The following HERC1 variants were observed in gnomAD, a reference collection of about 807,000 sequenced individuals.
HERC1 encodes probable E3 ubiquitin-protein ligase HERC1.
A neutral mutation model predicts 554.3 loss-of-function variants in HERC1; 160 were observed. The observed-to-expected ratio is 0.29, with a 90% CI of 0.25 to 0.33. The LOEUF is 0.33. Ranked by LOEUF, HERC1 falls within the 10% of genes least tolerant of loss-of-function variation. The probability of loss-of-function intolerance (pLI) is 1.00; values close to 1 mark genes in which losing one functional copy is unlikely to be tolerated. For missense variants in HERC1, 4,919 were observed against 5,918.5 expected, an observed-to-expected ratio of 0.83 and a Z score of 5.54; for synonymous variants, 2,175 against 2,131.7, an observed-to-expected ratio of 1.02 and a Z score of -0.56.
In HERC1 at chr15:63,672,671, T is replaced by C. The variant is rs768509067; in HGVS notation, c.7870A>G (p.Ser2624Gly). ...KQEIDQQAEE[S>G]DPAQQAQTPV... is the part of the protein sequence containing the mutation. ...GTCTGTGCCTGCTGGGCAGGGTCACTTTCTTCAGCTTGTTGATCAATCTCT... is the reference window on the plus strand; with the variant it reads ...GTCTGTGCCTGCTGGGCAGGGTCACCTTCTTCAGCTTGTTGATCAATCTCT... The change falls in exon 39 of 78, where the codon AGT (serine) becomes GGT (glycine). Residue 2624 changes from serine to glycine, a missense_variant. By Grantham distance (56) the Ser-to-Gly change is moderately conservative. This residue lies in a region of HERC1 where 1,963 missense variants were observed against 2,228.6 expected (regional missense o/e 0.88). Coordinates refer to ENST00000443617, the MANE Select transcript of HERC1 (RefSeq NM_003922.4). 2.0e-5 allele frequency: 32 copies of C among 1,606,960 alleles called. No homozygotes were observed. The highest frequency in any genetic ancestry group is 1.1e-5 in the South Asian group (1 of 89,712).
At chr15:63,693,894 T>C (rs1462265000) in intron 30 of HERC1, 70 bp downstream of exon 30, 1 of 1,445,252 alleles carries the variant, frequency 6.9e-7, no homozygotes, top group Admixed American at 2.5e-5. Context: ...CTCTACATCC[T>C]AATCATATGC....
Position 63,641,483 on chromosome 15 carries a change from T to C in HERC1, c.11594A>G (p.Tyr3865Cys). 5 of 1,612,314 alleles carry C rather than the reference T, an allele frequency of 3.1e-6. No homozygotes were observed. The highest frequency in any genetic ancestry group is 3.4e-6 in the Non-Finnish European group (4 of 1,178,930). The change falls in exon 60 of 78, where the codon TAT becomes TGT. Residue 3865 changes from tyrosine to cysteine, a missense_variant. By Grantham distance (194) the Tyr-to-Cys change is radical. Transcript: ENST00000443617. ...GTAATGAGTTACCTTTTCATAGGCATACTGCTCCTGAAGCATCATGGGGAG... is the reference window on the plus strand; with the variant it reads ...GTAATGAGTTACCTTTTCATAGGCACACTGCTCCTGAAGCATCATGGGGAG... The part of the protein sequence containing the change: ...ERLPMMLQEQ[Y>C]AYEKPHVVCG...
chr15:63,692,450 C>G lies in HERC1; in HGVS notation c.5791G>C (p.Glu1931Gln). 6.2e-7 allele frequency: 1 copy of G among 1,612,004 alleles called. No individual in the cohort carries two copies. Among genetic ancestry groups the G allele is most frequent in the Non-Finnish European group, 8.5e-7 (1 of 1,179,370 alleles). ...QSKMASPKWT[E>Q]VLLNIASQKC... is the part of the protein sequence containing the mutation. Reference sequence around the variant, plus strand: ...TGAGATGCTATATTTAGAAGCACTTCGGTCCACTTTGGGGAAGCCATTTTT... The same window carrying G: ...TGAGATGCTATATTTAGAAGCACTTGGGTCCACTTTGGGGAAGCCATTTTT... The change falls in exon 31 of 78, where the codon GAA becomes CAA. Residue 1931 changes from glutamate to glutamine, a missense_variant. Glu to Gln is a conservative substitution (Grantham distance 29). This residue lies in a region of HERC1 where 1,121 missense variants were observed against 1,244.0 expected (regional missense o/e 0.90). Coordinates refer to ENST00000443617, the MANE Select transcript of HERC1 (RefSeq NM_003922.4). This position sits in a 1 kb window ranked among gnomAD's most constrained non-coding sequence, Gnocchi z 4.7.
At chr15:63,673,409 A>C (rs755170538) in intron 38 of HERC1, among the ~76,000 whole-genome samples, 4 of 152,178 alleles carry the variant, frequency 2.6e-5, no homozygotes, top group Non-Finnish European at 4.4e-5. Context: ...AGACAAGAAG[A>C]AAAGGAATAA....
Position 63,608,991 on chromosome 15 carries a change from A to G in HERC1, c.*90T>C, listed in dbSNP as rs1308763249. The G allele has an allele frequency of 4.5e-5, 52 of 1,148,936 alleles. No individual in the cohort carries two copies. Among genetic ancestry groups the G allele is most frequent in the Non-Finnish European group, 6.4e-5 (52 of 818,806 alleles). The allele number at this position is 1,148,936 out of a possible 1,614,324, so 71.2% of individuals were successfully genotyped here. ...TAATGTTGGTTTATGTTCTTATAAC[A>G]TCTATGTAGTTACCATAAAAGTATA... On this transcript the variant is annotated 3_prime_UTR_variant, in exon 78 of 78. Coordinates refer to ENST00000443617, the MANE Select transcript of HERC1 (RefSeq NM_003922.4).
At position 63,652,639 on chromosome 15, in the gene HERC1, T is replaced by C. The variant is rs897541264; in HGVS notation, c.10291-98A>G. ...AATTTTTAAAAATCTACCATGAAATTAAAAGAAAAGCATCCATTCCTTTCT... is the reference window on the plus strand; with the variant it reads ...AATTTTTAAAAATCTACCATGAAATCAAAAGAAAAGCATCCATTCCTTTCT... On this transcript the variant is annotated intron_variant, in intron 51 of 77. Coordinates refer to ENST00000443617, the MANE Select transcript of HERC1 (RefSeq NM_003922.4). 9.8e-6 allele frequency: 10 copies of C among 1,015,472 alleles called. No individual in the cohort carries two copies. The African/African-American group carries it at 1.5e-4, about 15-fold the overall frequency. 62.9% of individuals were successfully genotyped at this position (1,015,472 alleles called of 1,614,324 possible).
chr15:63,693,018 T>C (rs1304183670), intron 30 of HERC1, among the ~76,000 whole-genome samples: 3 of 151,870 alleles, frequency 2.0e-5, no homozygotes, highest in Non-Finnish European at 2.9e-5. Flanking sequence ...CCGTCTCTAA[T>C]AAAAACACAA....
chr15:63,729,680 T>C (rs1314035218), intron 14 of HERC1, 31 bp from the exon 15 acceptor site: 1 of 1,607,308 alleles, frequency 6.2e-7, no homozygotes, highest in Non-Finnish European at 8.5e-7. Context: ...AGTTTATATT[T>C]GAAGTGCTTG....
intron 2 of HERC1, among the ~76,000 whole-genome samples, chr15:63,773,250 T>A (rs1266601387): frequency 6.6e-6 from 1 of 151,934 alleles, no homozygotes; most frequent in Non-Finnish European, 1.5e-5. Context: ...CCAGACCAGC[T>A]ATGGTCAACA....
chr15:63,812,116 C>T (rs1198258690), intron 1 of HERC1, among the ~76,000 whole-genome samples: 1 of 152,164 alleles, frequency 6.6e-6, no homozygotes, highest in Non-Finnish European at 1.5e-5. Context: ...TAAACATAGA[C>T]ACTAAGTTGC....
chr15:63,790,317 G>T (rs2076601601), intron 1 of HERC1, among the ~76,000 whole-genome samples: 1 of 152,186 alleles, frequency 6.6e-6, no homozygotes, highest in African/African-American at 2.4e-5. Flanking sequence ...GGTGGCTCAT[G>T]CCTGTAATCC....
chr15:63,760,751 AG>A (rs1326091041), intron 3 of HERC1, among the ~76,000 whole-genome samples: 2 of 152,104 alleles, frequency 1.3e-5, no homozygotes, highest in Non-Finnish European at 2.9e-5. Context: ...AACCCAATCA[AG>A]GGAATAAAAA....
chr15:63,793,279 C>T (rs924093220), intron 1 of HERC1, among the ~76,000 whole-genome samples: 2 of 152,138 alleles, frequency 1.3e-5, no homozygotes, highest in Admixed American at 6.5e-5. Flanking sequence ...GTAAAGACCA[C>T]GCTGATAAAA....
Position 63,692,675 on chromosome 15 carries a change from T to C in HERC1, c.5675-109A>G, listed in dbSNP as rs530987962. On this transcript the variant is annotated intron_variant, in intron 30 of 77. Transcript: ENST00000443617. This position sits in a 1 kb window ranked among gnomAD's most constrained non-coding sequence, Gnocchi z 4.7. The stretch of plus-strand genomic sequence containing the variant: ...GTAAGCACAAATCTAATGCAAAATC[T>C]TAGGCTGTCAGCTACTGAATTCTGA... 2.1e-6 allele frequency: 2 copies of C among 939,366 alleles called. No individual in the cohort carries two copies. Among genetic ancestry groups the C allele is most frequent in the South Asian group, 4.1e-5 (2 of 48,404 alleles). The allele number at this position is 939,366 out of a possible 1,614,324, so 58.2% of individuals were successfully genotyped here.
At chr15:63,633,687 C>A (rs2068662868) in intron 67 of HERC1, among the ~76,000 whole-genome samples, 161 bp downstream of exon 67, 2 of 152,260 alleles carry the variant, frequency 1.3e-5, no homozygotes, top group South Asian at 4.1e-4. Flanking sequence ...AAAATCAAGA[C>A]CTAGCATGTG....
intron 1 of HERC1, among the ~76,000 whole-genome samples, chr15:63,792,073 T>C (rs2076670363): frequency 6.6e-6 from 1 of 152,242 alleles, no homozygotes. Flanking sequence ...CACTGATTGA[T>C]AGCTTTATAT....
intron 25 of HERC1, among the ~76,000 whole-genome samples, chr15:63,704,899 C>G (rs1457872840): frequency 2.6e-5 from 4 of 151,820 alleles, no homozygotes; most frequent in African/African-American, 9.7e-5. Context: ...CCACCACGCC[C>G]GGCTAATTTT....
chr15:63,760,469 A>AACAG (rs200934611), intron 3 of HERC1, among the ~76,000 whole-genome samples: 1,901 of 151,190 alleles, frequency 0.013, 23 homozygotes, highest in East Asian at 0.025. Context: ...ACAAAGGAAA[A>AACAG]ACAGAAATCT....
In HERC1 at chr15:63,640,329, G is replaced by T. The variant is rs2068980513; in HGVS notation, c.11724C>A (p.His3908Gln). Reference protein sequence around the residue: ...QLLCNPPVPPHHQNCLPDPAS... With the variant: ...QLLCNPPVPPQHQNCLPDPAS... ...CAGGGTCAGGGAGACAGTTCTGGTG[G>T]TGTGGTGGCACTGGAGGGTTACACA... Residue 3908 changes from histidine (H) to glutamine (Q), a missense_variant, in exon 61 of 78, where the codon CAC becomes CAA. His to Gln is a conservative substitution (Grantham distance 24). Transcript: ENST00000443617. 1 of 1,613,910 alleles carries T rather than the reference G, an allele frequency of 6.2e-7. No individual in the cohort carries two copies. Among genetic ancestry groups the T allele is most frequent in the East Asian group, 2.2e-5 (1 of 44,888 alleles).
Sources: gnomAD v4.1 joint callset for allele counts (sites outside exome capture counted in the v4.1 genomes callset) on GRCh38, gnomAD v4.1.1 for gene constraint, gnomAD v4.1.1 regional missense constraint, Gnocchi (gnomAD v3.1) non-coding constraint, MANE v1.5 for transcripts, NCBI Gene and HGNC (gene_info 2026-07-23, HGNC 2026-07-21) for gene names.